The following COG5 variants were observed in gnomAD, a reference collection of about 807,000 sequenced individuals.
The protein encoded by COG5 is conserved oligomeric Golgi complex subunit 5.
In COG5, 86 loss-of-function variants were observed where a neutral mutation model predicts 110.4. The observed-to-expected ratio is 0.78, with a 90% CI of 0.65 to 0.93. COG5 has a LOEUF of 0.93. Ranked by LOEUF, COG5 falls within the 40% of genes least tolerant of loss-of-function variation. The probability of loss-of-function intolerance (pLI) is 0.00; values close to 1 mark genes in which losing one functional copy is unlikely to be tolerated. For missense variants in COG5, 1,077 were observed against 987.0 expected, an observed-to-expected ratio of 1.09 and a Z score of -1.22; for synonymous variants, 360 against 334.6, an observed-to-expected ratio of 1.08 and a Z score of -0.83.
intron 10 of COG5, among the ~76,000 whole-genome samples, chr7:107,338,439 T>C (rs991784118): frequency 1.3e-5 from 2 of 152,024 alleles, no homozygotes. Context: ...AAACTAGATA[T>C]ACATACACAT....
intron 6 of COG5, among the ~76,000 whole-genome samples, chr7:107,451,421 C>A (rs1429401206): frequency 6.6e-6 from 1 of 152,120 alleles, no homozygotes; most frequent in Non-Finnish European, 1.5e-5. Context: ...AACATGGACC[C>A]TTCCATGTTA....
intron 11 of COG5, among the ~76,000 whole-genome samples, chr7:107,313,662 T>C (rs143889468): frequency 1.3e-5 from 2 of 152,230 alleles, no homozygotes; most frequent in Non-Finnish European, 2.9e-5. Flanking sequence ...CAAGCAATTA[T>C]ATTACTCCTA....
At chr7:107,460,555 A>G (rs114364930) in intron 6 of COG5, among the ~76,000 whole-genome samples, 2,209 of 152,260 alleles carry the variant, frequency 0.015, 54 homozygotes, top group African/African-American at 0.051. Context: ...AAAAAAATTT[A>G]AATTGATGAA....
chr7:107,303,335 GATTA>G (rs1212128334), intron 11 of COG5, among the ~76,000 whole-genome samples: 13 of 152,228 alleles, frequency 8.5e-5, no homozygotes, highest in Admixed American at 2.0e-4. Flanking sequence ...AAATGTGATT[GATTA>G]ATTAACTGTA....
intron 6 of COG5, among the ~76,000 whole-genome samples, chr7:107,415,734 A>G (rs1584794536): frequency 6.7e-6 from 1 of 149,624 alleles, no homozygotes; most frequent in East Asian, 2.0e-4. Flanking sequence ...ATGTATATGT[A>G]TATAAATACA....
intron 6 of COG5, among the ~76,000 whole-genome samples, chr7:107,454,384 G>C (rs188569952): frequency 3.2e-4 from 48 of 152,214 alleles, no homozygotes; most frequent in African/African-American, 1.2e-3. Context: ...TGTTGTGTGG[G>C]GAACGGGGGA....
intron 8 of COG5, among the ~76,000 whole-genome samples, chr7:107,366,304 AT>A (rs1813607734): frequency 6.6e-6 from 1 of 152,130 alleles, no homozygotes; most frequent in Non-Finnish European, 1.5e-5. Context: ...CTCCAAGCAA[AT>A]ATTAAGAGAA....
chr7:107,210,633 A>C lies in COG5; in HGVS notation c.2296-28T>G, dbSNP rs559487960. The C allele has an allele frequency of 1.7e-4, 263 of 1,576,352 alleles. 2 individuals carry two copies. The South Asian group carries it at 2.9e-3, about 17-fold the overall frequency. ...GCAGGGTTGAAACACAATTAGAGAG[A>C]GTGCATACGCATTCTTTAGTAAATG... On this transcript the variant is annotated intron_variant, in intron 20 of 21. Coordinates refer to ENST00000297135, the MANE Select transcript of COG5 (RefSeq NM_006348.5).
chr7:107,538,317 C>T (rs1801735387), intron 5 of COG5, among the ~76,000 whole-genome samples: 1 of 152,186 alleles, frequency 6.6e-6, no homozygotes, highest in Admixed American at 6.5e-5. Flanking sequence ...GCAAATAGCA[C>T]ACCTGGTCTG....
chr7:107,408,254 T>C (rs898716085), intron 7 of COG5, among the ~76,000 whole-genome samples: 3 of 152,224 alleles, frequency 2.0e-5, no homozygotes, highest in Admixed American at 6.5e-5. Context: ...TCAGTAGTTA[T>C]AACTGAAACT....
At chr7:107,436,527 T>G (rs559399724) in intron 6 of COG5, among the ~76,000 whole-genome samples, 1 of 152,236 alleles carries the variant, frequency 6.6e-6, no homozygotes, top group Admixed American at 6.5e-5. Context: ...AGACAGGTGG[T>G]GGTGATGGTT....
chr7:107,407,785 G>T (rs549215551), intron 7 of COG5, among the ~76,000 whole-genome samples: 2 of 151,968 alleles, frequency 1.3e-5, no homozygotes, highest in South Asian at 4.2e-4. Context: ...TGTGTTCAAA[G>T]AATATTTAAC....
intron 6 of COG5, among the ~76,000 whole-genome samples, chr7:107,424,843 T>C (rs1793539775): frequency 6.6e-6 from 1 of 152,138 alleles, no homozygotes; most frequent in African/African-American, 2.4e-5. Flanking sequence ...GATCACATAA[T>C]TCTTAATTAT....
chr7:107,369,490 G>C (rs1402381934), intron 8 of COG5, among the ~76,000 whole-genome samples: 1 of 149,558 alleles, frequency 6.7e-6, no homozygotes, highest in African/African-American at 2.5e-5. Flanking sequence ...AGGTTCAAGC[G>C]ATTCTCCTGC....
chr7:107,296,374 A>G (rs1806749120), intron 12 of COG5, among the ~76,000 whole-genome samples: 3 of 152,034 alleles, frequency 2.0e-5, no homozygotes, highest in Admixed American at 2.0e-4. Flanking sequence ...ATAGAATACT[A>G]TATTTGCTAT....
intron 10 of COG5, among the ~76,000 whole-genome samples, chr7:107,325,607 C>A (rs897907349): frequency 1.3e-5 from 2 of 152,076 alleles, no homozygotes; most frequent in Admixed American, 6.6e-5. Context: ...GCCAAGATTG[C>A]GCCACTGCAC....
At chr7:107,297,542 G>A (rs1053715997) in intron 12 of COG5, among the ~76,000 whole-genome samples, 21 of 139,674 alleles carry the variant, frequency 1.5e-4, no homozygotes, top group African/African-American at 5.4e-4. Flanking sequence ...TCCGTCTCCC[G>A]GGTTCAAGCG....
chr7:107,502,963 G>C (rs1206026767), intron 6 of COG5, among the ~76,000 whole-genome samples: 1 of 152,048 alleles, frequency 6.6e-6, no homozygotes. Context: ...TCTGTGGGTT[G>C]TCTGTTTATT....
At chr7:107,322,817 T>C (rs76534758) in intron 11 of COG5, among the ~76,000 whole-genome samples, 27,546 of 152,200 alleles carry the variant, frequency 0.18, 2,692 homozygotes, top group Non-Finnish European at 0.22. Context: ...AACTTGTTTC[T>C]CAACTGCAGA....
Sources: allele counts gnomAD v4.1 joint callset (sites outside exome capture counted in the v4.1 genomes callset), GRCh38; gene constraint gnomAD v4.1.1; transcripts MANE v1.5; gene names NCBI Gene and HGNC (gene_info 2026-07-23, HGNC 2026-07-21).